Variants in SYT14 observed in about 807,000 individuals in gnomAD.
The protein encoded by SYT14 is synaptotagmin-14.
A neutral mutation model predicts 74.2 loss-of-function variants in SYT14; 32 were observed. The ratio of observed to expected loss-of-function variants is 0.43; its 90% CI spans 0.33 to 0.58. The LOEUF is 0.58. Ranked by LOEUF, SYT14 falls within the 20% of genes least tolerant of loss-of-function variation. The probability of loss-of-function intolerance (pLI) is 0.05; values close to 1 mark genes in which losing one functional copy is unlikely to be tolerated. For synonymous variants in SYT14, 298 were observed against 337.7 expected, an observed-to-expected ratio of 0.88 and a Z score of 1.29; for missense variants, 791 against 981.8, an observed-to-expected ratio of 0.81 and a Z score of 2.60.
At chr1:210,101,704 C>T (rs777804975) in intron 7 of SYT14, among the ~76,000 whole-genome samples, 2 of 151,330 alleles carry the variant, frequency 1.3e-5, no homozygotes, top group Non-Finnish European at 2.9e-5. Flanking sequence ...GGGGGAAGAA[C>T]GAATTTTTCA....
exon 10 of SYT14, chr1:210,161,795 G>A (rs1243101815): frequency 6.6e-6 from 3 of 453,680 alleles, no homozygotes; most frequent in South Asian, 3.1e-5. Context: ...GTAGAACTAC[G>A]TAACTTTCTG....
chr1:210,127,815 C>T (rs1410264203), intron 7 of SYT14, among the ~76,000 whole-genome samples: 1 of 151,946 alleles, frequency 6.6e-6, no homozygotes, highest in Non-Finnish European at 1.5e-5. Flanking sequence ...CACCTGAGGT[C>T]AGTAGTTCGT....
At chr1:209,954,308 T>A (rs953926566) in intron 2 of SYT14, among the ~76,000 whole-genome samples, 2 of 152,136 alleles carry the variant, frequency 1.3e-5, no homozygotes, top group African/African-American at 2.4e-5. Context: ...TTTCATGGCT[T>A]TTTTATTGTT....
intron 2 of SYT14, among the ~76,000 whole-genome samples, chr1:210,010,271 C>G (rs2080062609): frequency 6.6e-6 from 1 of 152,134 alleles, no homozygotes; most frequent in East Asian, 1.9e-4. Context: ...CTGGTATATT[C>G]TTAATCTTTC....
At chr1:210,098,005 C>T (rs2081995531) in intron 6 of SYT14, among the ~76,000 whole-genome samples, 1 of 152,032 alleles carries the variant, frequency 6.6e-6, no homozygotes, top group Non-Finnish European at 1.5e-5. Context: ...AGACTTTTGT[C>T]TCTACTAAAA....
intron 5 of SYT14, among the ~76,000 whole-genome samples, chr1:210,060,384 T>C (rs1406762132): frequency 9.7e-6 from 1 of 102,900 alleles, no homozygotes; most frequent in East Asian, 2.8e-4. Flanking sequence ...AAAGTTAACT[T>C]CAAAAAATAA....
chr1:209,959,273 G>C (rs2079040542), intron 2 of SYT14, among the ~76,000 whole-genome samples: 1 of 152,028 alleles, frequency 6.6e-6, no homozygotes, highest in Non-Finnish European at 1.5e-5. Context: ...CTCCTGAGTA[G>C]GTGGGACTAC....
chr1:210,117,599 A>T (rs1372675340), intron 7 of SYT14, among the ~76,000 whole-genome samples: 1 of 152,166 alleles, frequency 6.6e-6, no homozygotes, highest in African/African-American at 2.4e-5. Context: ...ATGATTATAG[A>T]CCTATTTACA....
chr1:210,092,928 A>G lies in SYT14; in HGVS notation c.1313-1394A>G, dbSNP rs1469155127. 3.3e-5 allele frequency among the ~76,000 whole-genome samples: 5 copies of G among 152,196 alleles called. No individual in the cohort carries two copies. The East Asian group carries it at 9.6e-4, about 29-fold the overall frequency. On this transcript the variant is annotated intron_variant, in intron 5 of 9. Coordinates refer to ENST00000637265, the Ensembl canonical transcript of SYT14. ...TTGTAAGTAACATAGAGATGATTTA[A>G]AGTATATGGGAGGATGTACTTAGGT...
intron 2 of SYT14, among the ~76,000 whole-genome samples, chr1:209,994,517 T>C (rs1019252871): frequency 6.6e-6 from 1 of 152,166 alleles, no homozygotes; most frequent in Non-Finnish European, 1.5e-5. Flanking sequence ...CTAAGACTCA[T>C]TGGCATTCCT....
chr1:210,100,603 G>C, intron 7 of SYT14, 142 bp downstream of exon 6: 1 of 798,146 alleles, frequency 1.3e-6, no homozygotes, highest in East Asian at 2.7e-5. Flanking sequence ...AAATATCTAA[G>C]CCCTGGATAG....
intron 2 of SYT14, among the ~76,000 whole-genome samples, chr1:209,981,494 C>T (rs2079486717): frequency 7.0e-6 from 1 of 143,094 alleles, no homozygotes; most frequent in Non-Finnish European, 1.5e-5. Flanking sequence ...CTCTGTTGCC[C>T]AAGCTAGAGA....
intron 2 of SYT14, among the ~76,000 whole-genome samples, chr1:210,009,693 C>G (rs2080051291): frequency 6.6e-6 from 1 of 152,098 alleles, no homozygotes; most frequent in African/African-American, 2.4e-5. Flanking sequence ...GTTAACTAAC[C>G]TGACCTTTAC....
intron 7 of SYT14, among the ~76,000 whole-genome samples, chr1:210,141,339 A>G (rs2082910514): frequency 6.6e-6 from 1 of 152,122 alleles, no homozygotes; most frequent in Non-Finnish European, 1.5e-5. Context: ...CTAATTGTTC[A>G]TTGCTAGTGT....
intron 7 of SYT14, among the ~76,000 whole-genome samples, chr1:210,120,363 C>G (rs2082434682): frequency 1.5e-5 from 2 of 135,922 alleles, no homozygotes; most frequent in South Asian, 2.2e-4. Flanking sequence ...GGTGTTTTTG[C>G]TGTTTTTTTT....
intron 5 of SYT14, among the ~76,000 whole-genome samples, chr1:210,023,988 A>G (rs1345406677): frequency 6.6e-6 from 1 of 152,156 alleles, no homozygotes; most frequent in African/African-American, 2.4e-5. Flanking sequence ...TGTATACATT[A>G]ATCAAGGTTT....
intron 7 of SYT14, among the ~76,000 whole-genome samples, chr1:210,131,299 C>CA (rs1348699220): frequency 1.3e-5 from 2 of 152,038 alleles, no homozygotes; most frequent in African/African-American, 4.8e-5. Context: ...AAGTTGTTTT[C>CA]ATAATCCATT....
At chr1:210,082,791 C>G (rs554136146) in intron 5 of SYT14, among the ~76,000 whole-genome samples, 1 of 152,152 alleles carries the variant, frequency 6.6e-6, no homozygotes, top group Admixed American at 6.5e-5. Context: ...AGAGCTGTTT[C>G]TCAAAACAGA....
intron 2 of SYT14, among the ~76,000 whole-genome samples, chr1:209,999,635 T>C (rs2079857487): frequency 6.6e-6 from 1 of 152,046 alleles, no homozygotes; most frequent in African/African-American, 2.4e-5. Flanking sequence ...TTATGGTAAA[T>C]GAAATAAGCC....
Sources: gnomAD v4.1 joint callset for allele counts (sites outside exome capture counted in the v4.1 genomes callset) on GRCh38, gnomAD v4.1.1 for gene constraint, MANE v1.5 for transcripts, NCBI Gene and HGNC (gene_info 2026-07-23, HGNC 2026-07-21) for gene names.